Variants in GALNTL6 observed in about 807,000 individuals in gnomAD.
GALNTL6 encodes polypeptide N-acetylgalactosaminyltransferase like 6, also known as polypeptide N-acetylgalactosaminyltransferase-like 6.
GALNTL6 carries 46 observed loss-of-function variants against 73.7 expected under a neutral mutation model. The ratio of observed to expected loss-of-function variants is 0.62; its 90% confidence interval spans 0.49 to 0.80. GALNTL6 has a LOEUF of 0.80. GALNTL6 is among the 30% of genes least tolerant of loss of function. GALNTL6 has a pLI of 0.00. For synonymous variants in GALNTL6, 259 were observed against 263.7 expected (o/e 0.98, Z 0.17); for missense variants, 604 against 755.0 (o/e 0.80, Z 2.34).
intron 3 of GALNTL6, among the ~76,000 whole-genome samples, chr4:172,234,259 A>G (rs542709334): frequency 6.6e-6 from 1 of 152,182 alleles, no homozygotes; most frequent in Admixed American, 6.5e-5. Flanking sequence ...GTTTTCTCCT[A>G]TTATTATAAT....
At chr4:172,403,973 A>C (rs1744127710) in intron 5 of GALNTL6, among the ~76,000 whole-genome samples, 1 of 152,126 alleles carries the variant, frequency 6.6e-6, no homozygotes, top group East Asian at 1.9e-4. Context: ...ACTCCATTGA[A>C]AATTATTTTT....
intron 3 of GALNTL6, among the ~76,000 whole-genome samples, chr4:172,281,101 G>A (rs925813723): frequency 2.0e-5 from 3 of 151,782 alleles, no homozygotes; most frequent in Non-Finnish European, 4.4e-5. Flanking sequence ...CCTGGGAGGC[G>A]GAGCTTGCAA....
At chr4:172,871,923 A>G (rs1279730382) in intron 7 of GALNTL6, among the ~76,000 whole-genome samples, 1 of 152,016 alleles carries the variant, frequency 6.6e-6, no homozygotes, top group East Asian at 1.9e-4. Context: ...AGCTCCGATT[A>G]GCTGGGATTA....
chr4:172,877,651 T>C (rs2111179813), intron 7 of GALNTL6, among the ~76,000 whole-genome samples: 1 of 151,824 alleles, frequency 6.6e-6, no homozygotes, highest in South Asian at 2.1e-4. Context: ...TTTATTACCT[T>C]ATTTAACAGA....
chr4:172,702,829 T>C (rs1265641201), intron 5 of GALNTL6, among the ~76,000 whole-genome samples: 1 of 151,894 alleles, frequency 6.6e-6, no homozygotes, highest in African/African-American at 2.4e-5. Flanking sequence ...TTTATAGTTT[T>C]TTTTGTCATT....
intron 5 of GALNTL6, among the ~76,000 whole-genome samples, chr4:172,408,871 T>C (rs1163575935): frequency 6.6e-6 from 1 of 152,078 alleles, no homozygotes; most frequent in Non-Finnish European, 1.5e-5. Flanking sequence ...AGTGTATTTT[T>C]ACCAATAGAA....
At chr4:171,956,009 T>TGGG (rs10690799) in intron 2 of GALNTL6, among the ~76,000 whole-genome samples, 32 of 144,098 alleles carry the variant, frequency 2.2e-4, no homozygotes, top group South Asian at 1.9e-3. Context: ...TGTGTGTGTG[T>TGGG]GTGTGGGACA....
chr4:172,499,811 A>G (rs1371729499), intron 5 of GALNTL6, among the ~76,000 whole-genome samples: 3 of 152,206 alleles, frequency 2.0e-5, no homozygotes, highest in African/African-American at 7.2e-5. Context: ...GCATGGTCTC[A>G]ATGGGATAGA....
intron 5 of GALNTL6, among the ~76,000 whole-genome samples, chr4:172,360,650 T>C (rs1742329401): frequency 6.6e-6 from 1 of 151,790 alleles, no homozygotes; most frequent in South Asian, 2.1e-4. Context: ...ACCGTCTATG[T>C]AGGATGAGAA....
intron 2 of GALNTL6, among the ~76,000 whole-genome samples, chr4:171,959,701 T>C (rs974160295): frequency 6.6e-6 from 1 of 152,132 alleles, no homozygotes; most frequent in African/African-American, 2.4e-5. Context: ...GAGAAATCTG[T>C]TTATGAGAAT....
At chr4:172,310,766 C>T (rs1378811217) in intron 3 of GALNTL6, among the ~76,000 whole-genome samples, 1 of 151,470 alleles carries the variant, frequency 6.6e-6, no homozygotes, top group African/African-American at 2.4e-5. Flanking sequence ...GGAAGGCCTT[C>T]TTTGTAAATA....
At position 172,380,424 on chromosome 4, in the gene GALNTL6, C is replaced by T. The variant is rs546824067; in HGVS notation, c.553+31735C>T. 6.4e-5 allele frequency: 36 copies of T among 561,246 alleles called. No individual in the cohort carries two copies. In the East Asian group the frequency reaches 1.3e-3, roughly 21 times the overall value. The allele number at this position is 561,246 out of a possible 1,614,324, so 34.8% of individuals were successfully genotyped here. Reference sequence around the variant, plus strand: ...CTCTCATATGGTTCTGCTTTGAGGCCAGGAACTGGTTCTGCCAGCAAAAGC... The same window carrying T: ...CTCTCATATGGTTCTGCTTTGAGGCTAGGAACTGGTTCTGCCAGCAAAAGC... On this transcript the variant is annotated intron_variant, in intron 5 of 12. Transcript: ENST00000506823.
chr4:172,457,023 C>T (rs547481104), intron 5 of GALNTL6, among the ~76,000 whole-genome samples: 2 of 152,214 alleles, frequency 1.3e-5, no homozygotes, highest in African/African-American at 4.8e-5. Flanking sequence ...ACCCTACAAG[C>T]CAGAAGAGAG....
Position 171,995,176 on chromosome 4 carries a change from G to T in GALNTL6, c.138+180458G>T, listed in dbSNP as rs538470480. The stretch of plus-strand genomic sequence containing the variant: ...AAAAAAGTGTTTTATGAGACATTTT[G>T]TTCATAGAAATTAATTATAATGAGA... On this transcript the variant is annotated intron_variant, in intron 2 of 12. Coordinates refer to ENST00000506823, the MANE Select transcript of GALNTL6 (RefSeq NM_001034845.3). 1.2e-4 allele frequency among the ~76,000 whole-genome samples: 18 copies of T among 151,952 alleles called. No homozygotes were observed. In the South Asian group the frequency reaches 2.7e-3, roughly 23 times the overall value.
chr4:172,982,436 A>T (rs192169267), intron 10 of GALNTL6, among the ~76,000 whole-genome samples: 1 of 152,190 alleles, frequency 6.6e-6, no homozygotes, highest in South Asian at 2.1e-4. Flanking sequence ...AGTCAGCTTC[A>T]CATTTCCTCT....
chr4:173,008,476 C>T (rs1420668015), intron 10 of GALNTL6, among the ~76,000 whole-genome samples: 2 of 152,182 alleles, frequency 1.3e-5, no homozygotes, highest in Admixed American at 6.5e-5. Flanking sequence ...ATGTTTTAAC[C>T]ATAATAGGCC....
At chr4:172,375,206 A>G (rs578248902) in intron 5 of GALNTL6, among the ~76,000 whole-genome samples, 6 of 152,296 alleles carry the variant, frequency 3.9e-5, no homozygotes, top group South Asian at 4.1e-4. Context: ...TTCTCCCTCA[A>G]TGAAAAGAAA....
At chr4:171,880,923 C>G (rs1736429077) in intron 2 of GALNTL6, among the ~76,000 whole-genome samples, 1 of 152,098 alleles carries the variant, frequency 6.6e-6, no homozygotes. Context: ...GTACCCTGTA[C>G]TAAGCTCGAA....
intron 2 of GALNTL6, among the ~76,000 whole-genome samples, chr4:171,944,981 A>T (rs934927781): frequency 1.3e-5 from 2 of 152,048 alleles, no homozygotes; most frequent in African/African-American, 4.8e-5. Context: ...GAAGTAAAAG[A>T]GTATAGAAAA....
Sources: allele counts gnomAD v4.1 joint callset (sites outside exome capture counted in the v4.1 genomes callset), GRCh38; gene constraint gnomAD v4.1.1; transcripts MANE v1.5; gene names NCBI Gene and HGNC (gene_info 2026-07-23, HGNC 2026-07-21).